Variants in PRKAR1A observed in about 807,000 individuals in gnomAD.
The protein encoded by PRKAR1A is protein kinase cAMP-dependent type I regulatory subunit alpha, also known as cAMP-dependent protein kinase type I-alpha regulatory subunit.
Under a neutral mutation model 52.0 loss-of-function variants are expected in PRKAR1A, and 3 were observed. The ratio of observed to expected loss-of-function variants is 0.06; its 90% CI spans 0.03 to 0.15. The LOEUF (loss-of-function observed/expected upper bound fraction) is 0.15, where lower values mean the gene tolerates loss of function less well. Among genes scored for constraint, PRKAR1A ranks in the 10% least tolerant of loss-of-function variants. The probability of loss-of-function intolerance (pLI) is 1.00; values close to 1 mark genes in which losing one functional copy is unlikely to be tolerated. For synonymous variants in PRKAR1A, 188 were observed against 168.4 expected (o/e 1.12, Z -0.90); for missense variants, 240 against 477.4 (o/e 0.50, Z 4.63).
chr17:68,527,765 ATT>A, intron 7 of PRKAR1A, 73 bp from the exon 8 acceptor site: 1 of 1,246,306 alleles, frequency 8.0e-7, no homozygotes, highest in East Asian at 2.3e-5. Flanking sequence ...GAAACTTAAT[ATT>A]TATTATTCCA....
chr17:68,525,590 G>A (rs891187050), intron 6 of PRKAR1A, among the ~76,000 whole-genome samples, 164 bp from the exon 7 acceptor site: 4 of 152,006 alleles, frequency 2.6e-5, no homozygotes, highest in African/African-American at 7.2e-5. Flanking sequence ...CATTTAACTC[G>A]TCAGAAATCA....
chr17:68,496,589 G>A, the PRKAR1A span, among the ~76,000 whole-genome samples: 2 of 152,140 alleles, frequency 1.3e-5, no homozygotes, highest in Admixed American at 6.5e-5. Flanking sequence ...GCAGTAGGAC[G>A]TGGACGTTCT....
At chr17:68,543,296 A>AT (rs1209139924) in intron 11 of PRKAR1A, among the ~76,000 whole-genome samples, 1 of 152,136 alleles carries the variant, frequency 6.6e-6, no homozygotes, top group Non-Finnish European at 1.5e-5. Context: ...ACCTAATATC[A>AT]TAACAGTGAG....
chr17:68,420,743 A>T, the PRKAR1A span: 1 of 458,410 alleles, frequency 2.2e-6, no homozygotes, highest in Non-Finnish European at 3.9e-6. Context: ...AACTTGGGCA[A>T]TTGTTTAACC....
chr17:68,530,702 GT>G lies in PRKAR1A; in HGVS notation c.*254del. 7.2e-7 allele frequency: 1 copy of G among 1,390,072 alleles called. No individual in the cohort carries two copies. Among genetic ancestry groups the G allele is most frequent in the South Asian group, 1.5e-5 (1 of 68,190 alleles). 86.1% of individuals were successfully genotyped at this position (1,390,072 alleles called of 1,614,324 possible). A position where few individuals can be genotyped will look rare whatever the true frequency, so the allele number is the denominator to read the frequency against. ...TACTGCTTCTCTTTGTGCAGTGTTA[GT>G]ATTCACCCTGGGCAGTGAGTGCCAT... On this transcript the variant is annotated 3_prime_UTR_variant, in exon 11 of 11. Transcript: ENST00000589228.
the PRKAR1A span, among the ~76,000 whole-genome samples, chr17:68,459,707 G>GT: frequency 6.6e-6 from 1 of 152,062 alleles, no homozygotes; most frequent in African/African-American, 2.4e-5. Flanking sequence ...GTAAATTTCA[G>GT]TTTTCTAGAA....
chr17:68,452,916 C>T, the PRKAR1A span: 180 of 1,613,654 alleles, frequency 1.1e-4, no homozygotes, highest in Non-Finnish European at 2.5e-5. Context: ...TTACTGCTTC[C>T]GTGGACTTGA....
the PRKAR1A span, among the ~76,000 whole-genome samples, chr17:68,498,189 C>T: frequency 5.2e-4 from 79 of 152,202 alleles, no homozygotes; most frequent in East Asian, 0.015. Context: ...CTTTTCTCTC[C>T]GTAACGACCA....
chr17:68,534,256 T>TTGCTTAAG (rs2143418635), downstream of PRKAR1A, among the ~76,000 whole-genome samples: 1 of 152,346 alleles, frequency 6.6e-6, no homozygotes, highest in South Asian at 2.1e-4. Flanking sequence ...TCTGCCAATT[T>TTGCTTAAG]TGCTTAAGTA....
chr17:68,485,489 C>T, the PRKAR1A span, among the ~76,000 whole-genome samples: 2 of 152,114 alleles, frequency 1.3e-5, no homozygotes, highest in Non-Finnish European at 2.9e-5. Flanking sequence ...GTTATTTTGA[C>T]CCTTTGATCT....
chr17:68,548,755 CAG>C (rs998200873), intron 11 of PRKAR1A, among the ~76,000 whole-genome samples: 2 of 97,482 alleles, frequency 2.1e-5, no homozygotes, highest in African/African-American at 8.3e-5. Flanking sequence ...TTTTTTGAGA[CAG>C]AATCTCCCTC....
upstream of PRKAR1A, among the ~76,000 whole-genome samples, chr17:68,508,011 T>C (rs1326772094): frequency 7.2e-5 from 11 of 152,202 alleles, no homozygotes; most frequent in African/African-American, 2.4e-4. Flanking sequence ...CAATAGACAT[T>C]GAGTAAAGCA....
the PRKAR1A span, chr17:68,436,612 G>C: frequency 1.4e-6 from 1 of 723,730 alleles, no homozygotes; most frequent in Non-Finnish European, 2.2e-6. Context: ...GCAGACAACT[G>C]CTTTCCGCTG....
chr17:68,519,220 C>G (rs149304015), intron 2 of PRKAR1A, among the ~76,000 whole-genome samples: 1 of 152,258 alleles, frequency 6.6e-6, no homozygotes, highest in East Asian at 1.9e-4. Flanking sequence ...TACCATTTTA[C>G]TGTATTAGTC....
At chr17:68,437,005 A>ATATATATAT in the PRKAR1A span, among the ~76,000 whole-genome samples, 26,305 of 104,708 alleles carry the variant, frequency 0.25, 2,921 homozygotes, top group Admixed American at 0.36. Context: ...AAAAAAAAAA[A>ATATATATAT]ATATATATAT....
the PRKAR1A span, among the ~76,000 whole-genome samples, chr17:68,503,234 A>G: frequency 6.6e-6 from 1 of 152,240 alleles, no homozygotes; most frequent in South Asian, 2.1e-4. Context: ...ATGTAGAGCA[A>G]CAGGAGCTCT....
At chr17:68,527,473 T>C in intron 7 of PRKAR1A, 1 of 215,802 alleles carries the variant, frequency 4.6e-6, no homozygotes, top group Non-Finnish European at 9.5e-6. Flanking sequence ...AGAGTAAACA[T>C]GGAAATTGGA....
At chr17:68,487,801 G>GAAAAAAA in the PRKAR1A span, among the ~76,000 whole-genome samples, 1 of 122,370 alleles carries the variant, frequency 8.2e-6, no homozygotes. Context: ...CCTCATCTCA[G>GAAAAAAA]ACAAAAAAAA....
At chr17:68,496,709 T>C in the PRKAR1A span, among the ~76,000 whole-genome samples, 1 of 152,042 alleles carries the variant, frequency 6.6e-6, no homozygotes, top group African/African-American at 2.4e-5. Context: ...CTATGTAGTA[T>C]ATGAGGAAGA....
Sources: allele counts gnomAD v4.1 joint callset (sites outside exome capture counted in the v4.1 genomes callset), GRCh38; gene constraint gnomAD v4.1.1; transcripts MANE v1.5; gene names NCBI Gene and HGNC (gene_info 2026-07-23, HGNC 2026-07-21).